Variants in CFTR observed in about 807,000 individuals in gnomAD.
CFTR encodes CF transmembrane conductance regulator.
A neutral mutation model predicts 171.6 loss-of-function variants in CFTR; 181 were observed. That is an observed-to-expected ratio of 1.05 (90% CI 0.93 to 1.19). The LOEUF (loss-of-function observed/expected upper bound fraction) is 1.19. Ranked by LOEUF, CFTR falls within the 50% of genes most tolerant of loss-of-function variation. The pLI is 0.00. For synonymous variants in CFTR, 583 were observed against 608.0 expected (o/e 0.96, Z 0.60); for missense variants, 1,968 against 1,734.7 (o/e 1.13, Z -2.39).
At chr7:117,648,051 TTATATATA>T (rs996488910) in intron 23 of CFTR, among the ~76,000 whole-genome samples, 4 of 145,004 alleles carry the variant, frequency 2.8e-5, no homozygotes, top group Non-Finnish European at 4.5e-5. Context: ...CACACATTAT[TTATATATA>T]TGTATATATG....
At chr7:117,612,449 G>A (rs966360168) in intron 20 of CFTR, among the ~76,000 whole-genome samples, 1 of 151,966 alleles carries the variant, frequency 6.6e-6, no homozygotes, top group Admixed American at 6.6e-5. Flanking sequence ...TTGATTTTAG[G>A]ATCTTTAGTG....
At chr7:117,530,033 A>G (rs1394592075) in intron 3 of CFTR, among the ~76,000 whole-genome samples, 1 of 152,188 alleles carries the variant, frequency 6.6e-6, no homozygotes, top group Admixed American at 6.5e-5. Context: ...ATTCAGATCT[A>G]TTCCTGTATA....
At chr7:117,501,384 G>A (rs909791362) in intron 1 of CFTR, among the ~76,000 whole-genome samples, 1 of 151,648 alleles carries the variant, frequency 6.6e-6, no homozygotes, top group Non-Finnish European at 1.5e-5. Context: ...GTTAAACATG[G>A]CCATTATTAA....
rs867290555 is a variant in CFTR at position 117,619,744 on chromosome 7, C to T, written c.3468+5031C>T. On this transcript the variant is annotated intron_variant, in intron 21 of 26. Coordinates refer to ENST00000003084, the MANE Select transcript of CFTR (RefSeq NM_000492.4). ...TAATAACATAAGAATAAGAAAGCCA[C>T]CAGGGTGAGCAGGGAAGGCAATGAG... 5.0e-4 allele frequency among the ~76,000 whole-genome samples: 76 copies of T among 152,212 alleles called. 1 individual carries two copies. In the Middle Eastern group the frequency reaches 0.014, roughly 27 times the overall value.
chr7:117,586,038 T>C (rs1249178535), intron 11 of CFTR, among the ~76,000 whole-genome samples: 1 of 152,172 alleles, frequency 6.6e-6, no homozygotes, highest in Non-Finnish European at 1.5e-5. Flanking sequence ...GTAATTGCTG[T>C]AAAACTGAAA....
In CFTR at chr7:117,516,698, T is replaced by A. The variant is rs191068145; in HGVS notation, c.273+7556T>A. Among the ~76,000 whole-genome samples, 80 of 152,304 alleles carry A rather than the reference T, an allele frequency of 5.3e-4. 1 individual carries two copies. The East Asian group carries it at 0.015, about 29-fold the overall frequency. The stretch of plus-strand genomic sequence containing the variant: ...TTTTTGTGGGTACATAGTAGATGTA[T>A]ATATTTATGGGGTACATGTGATGTT... On this transcript the variant is annotated intron_variant, in intron 3 of 26. Coordinates refer to ENST00000003084, the MANE Select transcript of CFTR (RefSeq NM_000492.4).
intron 3 of CFTR, among the ~76,000 whole-genome samples, chr7:117,517,570 C>T (rs1437859332): frequency 6.6e-6 from 1 of 152,030 alleles, no homozygotes; most frequent in Non-Finnish European, 1.5e-5. Flanking sequence ...GGGTATGTAC[C>T]CAGTAATGGG....
intron 16 of CFTR, among the ~76,000 whole-genome samples, 185 bp from the exon 17 acceptor site, chr7:117,603,347 T>C (rs1792253171): frequency 6.6e-6 from 1 of 152,242 alleles, no homozygotes; most frequent in African/African-American, 2.4e-5. Flanking sequence ...ACTCAATCTC[T>C]ATCAATAGTG....
intron 24 of CFTR, among the ~76,000 whole-genome samples, chr7:117,663,837 A>G (rs1281675730): frequency 6.6e-6 from 1 of 152,200 alleles, no homozygotes; most frequent in Non-Finnish European, 1.5e-5. Context: ...TAAACATTTA[A>G]TGCACATTTA....
chr7:117,660,663 T>TAC, intron 24 of CFTR, among the ~76,000 whole-genome samples: 1 of 146,190 alleles, frequency 6.8e-6, no homozygotes, highest in East Asian at 2.1e-4. Flanking sequence ...ATTGGGGATA[T>TAC]ATATGTGTGT....
intron 11 of CFTR, among the ~76,000 whole-genome samples, chr7:117,580,079 A>G (rs1171611512): frequency 6.6e-6 from 1 of 152,032 alleles, no homozygotes; most frequent in African/African-American, 2.4e-5. Context: ...AGGAATTCCA[A>G]TTTCAAGCAG....
chr7:117,581,630 G>A (rs1425907129), intron 11 of CFTR, among the ~76,000 whole-genome samples: 1 of 152,220 alleles, frequency 6.6e-6, no homozygotes, highest in Non-Finnish European at 1.5e-5. Flanking sequence ...GTTAGGGCCA[G>A]AAAAGACTTC....
intron 11 of CFTR, chr7:117,560,773 C>T (rs976860903): frequency 6.6e-6 from 1 of 151,894 alleles, no homozygotes; most frequent in African/African-American, 2.4e-5. Context: ...GGCCTTCTTC[C>T]AGGAATAGTA....
intron 3 of CFTR, among the ~76,000 whole-genome samples, chr7:117,521,805 G>A (rs186064911): frequency 9.6e-4 from 146 of 152,210 alleles, no homozygotes; most frequent in African/African-American, 3.3e-3. Context: ...TTCATTTAGT[G>A]TAATTACAAG....
In CFTR at chr7:117,638,474, G is replaced by T. The variant is rs35637601; in HGVS notation, c.3718-3964G>T. Among the ~76,000 whole-genome samples the T allele has an allele frequency of 6.6e-6, 1 of 151,946 alleles. No individual in the cohort carries two copies. Among genetic ancestry groups the T allele is most frequent in the Non-Finnish European group, 1.5e-5 (1 of 67,998 alleles). On this transcript the variant is annotated intron_variant, in intron 22 of 26. Coordinates refer to ENST00000003084, the MANE Select transcript of CFTR (RefSeq NM_000492.4). ...ATTCTTAAAATGTCGTTCTGCTCAC[G>T]CCTGTAATTCCAGCACTTTGGGAGG...
intron 3 of CFTR, among the ~76,000 whole-genome samples, chr7:117,510,736 A>G (rs1798504595): frequency 6.6e-6 from 1 of 152,238 alleles, no homozygotes; most frequent in African/African-American, 2.4e-5. Context: ...ATACATGGAC[A>G]TATCTATAGA....
At chr7:117,581,502 T>G (rs767746740) in intron 11 of CFTR, among the ~76,000 whole-genome samples, 15 of 152,178 alleles carry the variant, frequency 9.9e-5, no homozygotes, top group Non-Finnish European at 1.8e-4. Context: ...CATTACAAAA[T>G]TATGAGAGTT....
At chr7:117,594,303 CA>C (rs1427434610) in intron 14 of CFTR, among the ~76,000 whole-genome samples, 1 of 152,114 alleles carries the variant, frequency 6.6e-6, no homozygotes, top group African/African-American at 2.4e-5. Flanking sequence ...TTGTGAGAAA[CA>C]AAACTCTTTT....
At chr7:117,510,171 G>T (rs900329972) in intron 3 of CFTR, among the ~76,000 whole-genome samples, 1 of 152,018 alleles carries the variant, frequency 6.6e-6, no homozygotes, top group Non-Finnish European at 1.5e-5. Context: ...ATGGAAATCT[G>T]AAACCATTTG....
Sources: gnomAD v4.1 joint callset for allele counts (sites outside exome capture counted in the v4.1 genomes callset) on GRCh38, gnomAD v4.1.1 for gene constraint, MANE v1.5 for transcripts, NCBI Gene and HGNC (gene_info 2026-07-23, HGNC 2026-07-21) for gene names.